SLC35F4: variants seen among roughly 807,000 people sequenced by gnomAD.
SLC35F4 encodes the protein chromosome 14 open reading frame 36.
Under a neutral mutation model 44.2 loss-of-function variants are expected in SLC35F4, and 24 were observed. The ratio of observed to expected loss-of-function variants is 0.54; its 90% CI spans 0.39 to 0.76. The LOEUF (loss-of-function observed/expected upper bound fraction) is 0.76, where lower values mean the gene tolerates loss of function less well. SLC35F4 is among the 30% of genes least tolerant of loss of function. The probability of loss-of-function intolerance (pLI) is 0.00; values close to 1 mark genes in which losing one functional copy is unlikely to be tolerated. For synonymous variants in SLC35F4, 238 were observed against 223.6 expected, an observed-to-expected ratio of 1.06 and a Z score of -0.57; for missense variants, 562 against 586.1, an observed-to-expected ratio of 0.96 and a Z score of 0.42.
At chr14:57,883,315 T>C (rs1008118629) in intron 1 of SLC35F4, among the ~76,000 whole-genome samples, 6 of 152,160 alleles carry the variant, frequency 3.9e-5, no homozygotes, top group African/African-American at 1.4e-4. Context: ...AGTTTAATAT[T>C]TGCAAAACAT....
chr14:57,637,522 A>T (rs1479629828), intron 1 of SLC35F4, among the ~76,000 whole-genome samples: 2 of 152,218 alleles, frequency 1.3e-5, no homozygotes, highest in East Asian at 3.9e-4. Context: ...AAAGAAACAC[A>T]CGCAAATGTC....
intron 1 of SLC35F4, among the ~76,000 whole-genome samples, chr14:57,658,612 A>G (rs2140228297): frequency 6.6e-6 from 1 of 152,322 alleles, no homozygotes; most frequent in Middle Eastern, 3.4e-3. Flanking sequence ...ATAACAGCAC[A>G]TCATGGATTT....
chr14:57,910,086 C>T (rs1889187114), intron 1 of SLC35F4, among the ~76,000 whole-genome samples: 1 of 152,078 alleles, frequency 6.6e-6, no homozygotes, highest in Admixed American at 6.6e-5. Flanking sequence ...TCCGTGCCAT[C>T]TGTATGTCTT....
At chr14:57,693,409 C>T (rs568685776) in intron 1 of SLC35F4, among the ~76,000 whole-genome samples, 117 of 151,864 alleles carry the variant, frequency 7.7e-4, no homozygotes, top group African/African-American at 2.6e-3. Flanking sequence ...GTGGGTTTAC[C>T]GGAATGAGGG....
At chr14:57,797,470 T>C (rs576126323) in intron 1 of SLC35F4, among the ~76,000 whole-genome samples, 1 of 152,316 alleles carries the variant, frequency 6.6e-6, no homozygotes, top group South Asian at 2.1e-4. Flanking sequence ...ATATTGTCAC[T>C]GACTAGCTGT....
chr14:57,717,567 C>T (rs1000794549), intron 1 of SLC35F4, among the ~76,000 whole-genome samples: 8 of 152,132 alleles, frequency 5.3e-5, no homozygotes, highest in Admixed American at 1.3e-4. Flanking sequence ...ACCTGGGAGA[C>T]GGAGCTTGCA....
At chr14:57,579,694 C>T (rs2069102181) in intron 4 of SLC35F4, among the ~76,000 whole-genome samples, 1 of 152,124 alleles carries the variant, frequency 6.6e-6, no homozygotes. Flanking sequence ...TTACTATATC[C>T]TCAAATATCA....
At chr14:57,852,861 C>T (rs568740635) in intron 1 of SLC35F4, among the ~76,000 whole-genome samples, 2 of 152,324 alleles carry the variant, frequency 1.3e-5, no homozygotes, top group Non-Finnish European at 2.9e-5. Flanking sequence ...AAGGCTCTAA[C>T]GCTCTTAGGA....
intron 1 of SLC35F4, among the ~76,000 whole-genome samples, chr14:57,624,937 A>G (rs149948615): frequency 5.4e-4 from 82 of 152,236 alleles, no homozygotes; most frequent in African/African-American, 1.7e-3. Context: ...TCAACATACT[A>G]TTGGAAGTTC....
rs1302295689 is a variant in SLC35F4 at position 57,574,413 on chromosome 14, A to G, written c.808-2394T>C. On this transcript the variant is annotated intron_variant, in intron 4 of 7. Transcript: ENST00000556826. The stretch of plus-strand genomic sequence containing the variant: ...TTCAATTGCCTTCACAGAGAGAAGC[A>G]TTTTTCACTTTAGGGGGTCAGACAA... Among the ~76,000 whole-genome samples the G allele has an allele frequency of 2.0e-5, 3 of 152,206 alleles. No individual in the cohort carries two copies. In the South Asian group the frequency reaches 6.2e-4, roughly 31 times the overall value.
chr14:57,979,269 T>G (rs1344695486), intron 1 of SLC35F4, among the ~76,000 whole-genome samples: 2 of 152,158 alleles, frequency 1.3e-5, no homozygotes, highest in African/African-American at 4.8e-5. Context: ...AACCTGAAGT[T>G]TGCAGATATT....
intron 1 of SLC35F4, among the ~76,000 whole-genome samples, chr14:57,863,403 G>A (rs1359159334): frequency 6.6e-6 from 1 of 152,164 alleles, no homozygotes; most frequent in Non-Finnish European, 1.5e-5. Context: ...TTTCTTAGAG[G>A]TAAGTCCCCG....
At chr14:57,964,990 AAAT>A (rs1201915908) in intron 1 of SLC35F4, among the ~76,000 whole-genome samples, 6 of 119,726 alleles carry the variant, frequency 5.0e-5, no homozygotes, top group Non-Finnish European at 9.0e-5. Context: ...AAAAAAAAAA[AAAT>A]ATATATATAT....
chr14:57,793,187 G>A (rs998966687), intron 1 of SLC35F4, among the ~76,000 whole-genome samples: 1 of 151,858 alleles, frequency 6.6e-6, no homozygotes, highest in African/African-American at 2.4e-5. Context: ...AATAGTAAAG[G>A]GGTGAATCTG....
intron 1 of SLC35F4, among the ~76,000 whole-genome samples, chr14:57,677,732 G>C (rs1239301496): frequency 6.6e-6 from 1 of 151,850 alleles, no homozygotes; most frequent in Non-Finnish European, 1.5e-5. Flanking sequence ...TAAAATGAAA[G>C]GGTAAATGAT....
At chr14:57,828,870 G>A (rs1371381511) in intron 1 of SLC35F4, among the ~76,000 whole-genome samples, 1 of 152,178 alleles carries the variant, frequency 6.6e-6, no homozygotes, top group African/African-American at 2.4e-5. Context: ...ATAATATTAT[G>A]CAACAACAAT....
intron 1 of SLC35F4, among the ~76,000 whole-genome samples, chr14:57,605,983 T>A (rs140928014): frequency 6.6e-6 from 1 of 152,200 alleles, no homozygotes; most frequent in East Asian, 1.9e-4. Flanking sequence ...GGGAGGGTGA[T>A]AAGGTTGAAA....
At position 57,706,120 on chromosome 14, in the gene SLC35F4, A is replaced by C. The variant is rs544633287; in HGVS notation, c.104-111996T>G. On this transcript the variant is annotated intron_variant, in intron 1 of 7. Coordinates refer to ENST00000556826, the MANE Select transcript of SLC35F4 (RefSeq NM_001306087.2). The stretch of plus-strand genomic sequence containing the variant: ...ATTCTCCACTGTAACGTCAGCCTCA[A>C]CAGAGTGCTTGAATCAACTGTGAAC... Among the ~76,000 whole-genome samples, 4 of 152,338 alleles carry C rather than the reference A, an allele frequency of 2.6e-5. No individual in the cohort carries two copies. The East Asian group carries it at 5.8e-4, about 22-fold the overall frequency.
Position 57,566,460 on chromosome 14 carries a change from A to T in SLC35F4, c.1216+15T>A, listed in dbSNP as rs769651225. 6.3e-7 allele frequency: 1 copy of T among 1,577,660 alleles called. No individual in the cohort carries two copies. The highest frequency in any genetic ancestry group is 1.8e-5 in the Admixed American group (1 of 54,638). On this transcript the variant is annotated intron_variant, in intron 7 of 7. Transcript: ENST00000556826. ...GTAGTGGCCAGGATCTGCACATGTCACATGGTGCCTGTACCTGCATTTCCA... is the reference window on the plus strand; with the variant it reads ...GTAGTGGCCAGGATCTGCACATGTCTCATGGTGCCTGTACCTGCATTTCCA...
Sources: allele counts gnomAD v4.1 joint callset (sites outside exome capture counted in the v4.1 genomes callset), GRCh38; gene constraint gnomAD v4.1.1; transcripts MANE v1.5; gene names NCBI Gene and HGNC (gene_info 2026-07-23, HGNC 2026-07-21).